Variants in RERE observed in about 807,000 individuals in gnomAD.
The protein encoded by RERE is arginine-glutamic acid dipeptide repeats protein.
RERE carries 40 observed loss-of-function variants against 146.1 expected under a neutral mutation model. That is an observed-to-expected ratio of 0.27 (90% CI 0.21 to 0.36). The LOEUF is 0.36. RERE is among the 10% of genes least tolerant of loss of function. The probability of loss-of-function intolerance (pLI) is 1.00; values close to 1 mark genes in which losing one functional copy is unlikely to be tolerated. For synonymous variants in RERE, 1,003 were observed against 866.0 expected (o/e 1.16, Z -2.78); for missense variants, 1,933 against 2,138.7 (o/e 0.90, Z 1.90).
chr1:8,699,028 C>T (rs934751790), intron 1 of RERE, among the ~76,000 whole-genome samples: 16 of 152,148 alleles, frequency 1.1e-4, no homozygotes, highest in Non-Finnish European at 7.3e-5. Flanking sequence ...GTAAGTTTCA[C>T]GAATCATCAT....
chr1:8,541,180 G>C lies in RERE; in HGVS notation c.830+34C>G, dbSNP rs760532429. ...ACACACAAATGAGAAAAGGAAAAGA[G>C]TTCTCAATGAATGGACACAAGTGAC... is the stretch of plus-strand genomic sequence containing the variant. On this transcript the variant is annotated intron_variant, in intron 7 of 22. Coordinates refer to ENST00000400908, the MANE Select transcript of RERE (RefSeq NM_001042681.2). The C allele has an allele frequency of 2.2e-5, 26 of 1,175,966 alleles. No homozygotes were observed. In the South Asian group the frequency reaches 3.1e-4, roughly 14 times the overall value. 72.8% of individuals were successfully genotyped at this position (1,175,966 alleles called of 1,614,324 possible).
intron 2 of RERE, among the ~76,000 whole-genome samples, chr1:8,641,334 A>G (rs148193196): frequency 1.4e-4 from 21 of 152,356 alleles, no homozygotes; most frequent in African/African-American, 4.8e-4. Flanking sequence ...CTTAGCTACT[A>G]CAAAGTAAGG....
At chr1:8,612,861 C>T (rs1300196685) in intron 4 of RERE, among the ~76,000 whole-genome samples, 1 of 152,302 alleles carries the variant, frequency 6.6e-6, no homozygotes, top group African/African-American at 2.4e-5. Flanking sequence ...CAGTCTTTCT[C>T]TGGGAATTAA....
At chr1:8,750,150 CAAAAAAAAAA>C (rs3045405) in intron 1 of RERE, among the ~76,000 whole-genome samples, 1 of 96,554 alleles carries the variant, frequency 1.0e-5, no homozygotes, top group South Asian at 3.9e-4. Flanking sequence ...GCCTCTGTCT[CAAAAAAAAAA>C]AAAAAAAAAG....
chr1:8,467,676 GCT>G (rs1472942508), intron 10 of RERE, among the ~76,000 whole-genome samples: 1 of 151,718 alleles, frequency 6.6e-6, no homozygotes, highest in Admixed American at 6.6e-5. Context: ...ACGGAGTCTT[GCT>G]CTGTTGCCCA....
At chr1:8,392,051 T>A (rs529060035) in intron 12 of RERE, among the ~76,000 whole-genome samples, 1 of 152,318 alleles carries the variant, frequency 6.6e-6, no homozygotes, top group Admixed American at 6.5e-5. Flanking sequence ...AATAAAATTC[T>A]AGAAACCAGG....
chr1:8,397,432 T>C (rs995146562), intron 12 of RERE, among the ~76,000 whole-genome samples: 2 of 146,868 alleles, frequency 1.4e-5, no homozygotes, highest in African/African-American at 5.5e-5. Context: ...CTAAGAGACT[T>C]ACCCCAAACC....
intron 7 of RERE, among the ~76,000 whole-genome samples, chr1:8,526,384 C>G (rs566793268): frequency 2.7e-5 from 4 of 149,420 alleles, no homozygotes; most frequent in Non-Finnish European, 5.9e-5. Context: ...TGACTACACA[C>G]AAGATCAACT....
intron 6 of RERE, among the ~76,000 whole-genome samples, chr1:8,549,713 A>G (rs896778610): frequency 1.3e-5 from 2 of 152,258 alleles, no homozygotes; most frequent in Non-Finnish European, 2.9e-5. Context: ...CAGAAGCCAC[A>G]TTCATCAAGT....
At chr1:8,638,096 A>C (rs1253490349) in intron 2 of RERE, among the ~76,000 whole-genome samples, 2 of 152,200 alleles carry the variant, frequency 1.3e-5, no homozygotes, top group East Asian at 3.8e-4. Context: ...TTCTTAAATA[A>C]ATTTTTTAAT....
At chr1:8,451,717 G>A (rs1644393268) in intron 11 of RERE, among the ~76,000 whole-genome samples, 1 of 152,092 alleles carries the variant, frequency 6.6e-6, no homozygotes, top group South Asian at 2.1e-4. Flanking sequence ...AGTTCTCAGG[G>A]CCTGGATGCC....
At chr1:8,804,514 C>G (rs1022111505) in intron 1 of RERE, among the ~76,000 whole-genome samples, 2 of 152,138 alleles carry the variant, frequency 1.3e-5, no homozygotes, top group African/African-American at 4.8e-5. Flanking sequence ...AGTAAGAGAA[C>G]CCCTGATTTT....
At position 8,364,514 on chromosome 1, in the gene RERE, C is replaced by T. The variant is rs1641721839; in HGVS notation, c.1540+232G>A. On this transcript the variant is annotated intron_variant, in intron 14 of 22. Transcript: ENST00000400908. The surrounding 1 kb of genome is among the most constrained non-coding windows in gnomAD (Gnocchi z 5.1). ...AAGCTCCTGGGAACTACAGTGTCAA[C>T]CCCCCAATCCCACTCAATCTGTCCT... Among the ~76,000 whole-genome samples the T allele has an allele frequency of 6.6e-6, 1 of 152,124 alleles. No homozygotes were observed. Among genetic ancestry groups the T allele is most frequent in the Non-Finnish European group, 1.5e-5 (1 of 68,018 alleles).
rs1219620560 is a variant in RERE, at chr1:8,739,372, G to C, written c.-145+77788C>G. 2.0e-5 allele frequency among the ~76,000 whole-genome samples: 3 copies of C among 152,090 alleles called. No homozygotes were observed. The East Asian group carries it at 5.8e-4, about 29-fold the overall frequency. On this transcript the variant is annotated intron_variant, in intron 1 of 22. Coordinates refer to ENST00000400908, the MANE Select transcript of RERE (RefSeq NM_001042681.2). ...AGAAATCAGTCCTCTAGAATGCCAAGGAAAGTTGTTTGTGGGAGAGTGTCT... is the reference window on the plus strand; with the variant it reads ...AGAAATCAGTCCTCTAGAATGCCAACGAAAGTTGTTTGTGGGAGAGTGTCT...
At chr1:8,651,644 T>C (rs1647636724) in intron 2 of RERE, among the ~76,000 whole-genome samples, 1 of 151,766 alleles carries the variant, frequency 6.6e-6, no homozygotes, top group African/African-American at 2.4e-5. Context: ...GAGGATGACT[T>C]GAGCCTGGGA....
intron 1 of RERE, among the ~76,000 whole-genome samples, chr1:8,675,532 G>A (rs896630474): frequency 6.6e-6 from 1 of 151,054 alleles, no homozygotes; most frequent in Non-Finnish European, 1.5e-5. Context: ...AAATTAGACA[G>A]GCGTGGTGGC....
chr1:8,790,855 G>C lies in RERE; in HGVS notation c.-145+26305C>G, dbSNP rs143000633. 3.4e-4 allele frequency among the ~76,000 whole-genome samples: 52 copies of C among 152,264 alleles called. 1 individual carries two copies. The East Asian group carries it at 9.3e-3, about 27-fold the overall frequency. On this transcript the variant is annotated intron_variant, in intron 1 of 22. Coordinates refer to ENST00000400908, the MANE Select transcript of RERE (RefSeq NM_001042681.2). ...CCCACCTCAGCCTCCCAAAATGCTG[G>C]GATTACAGGCATGAGCCACCGCACC...
chr1:8,512,553 C>T (rs1249913225), intron 7 of RERE: 1 of 152,622 alleles, frequency 6.6e-6, no homozygotes. Context: ...GCCCTCCAAT[C>T]TCCCCTCCAT....
At chr1:8,780,745 T>C (rs1319281811) in intron 1 of RERE, among the ~76,000 whole-genome samples, 6 of 152,210 alleles carry the variant, frequency 3.9e-5, no homozygotes. Flanking sequence ...ATAAAAACTA[T>C]TGTAATCTTA....
Sources: gnomAD v4.1 joint callset for allele counts (sites outside exome capture counted in the v4.1 genomes callset) on GRCh38, gnomAD v4.1.1 for gene constraint, Gnocchi (gnomAD v3.1) non-coding constraint, MANE v1.5 for transcripts, NCBI Gene and HGNC (gene_info 2026-07-23, HGNC 2026-07-21) for gene names.